Variants in STRN observed in about 807,000 individuals in gnomAD.
STRN encodes striatin.
In STRN, 53 loss-of-function variants were observed where a neutral mutation model predicts 96.3. That is an observed-to-expected ratio of 0.55 (90% confidence interval 0.44 to 0.69). The LOEUF (loss-of-function observed/expected upper bound fraction) is 0.69. Among genes scored for constraint, STRN ranks in the 30% least tolerant of loss-of-function variants. STRN has a pLI of 0.00. For missense variants in STRN, 987 were observed against 963.9 expected (o/e 1.02, Z -0.32); for synonymous variants, 428 against 355.9 (o/e 1.20, Z -2.28).
chr2:36,911,890 A>G (rs1172197304), intron 3 of STRN, among the ~76,000 whole-genome samples: 3 of 152,122 alleles, frequency 2.0e-5, no homozygotes, highest in African/African-American at 7.2e-5. Context: ...CGATCCTACT[A>G]TTCCCTAGAA....
At chr2:36,939,155 TCTC>T (rs1350754787) in intron 1 of STRN, among the ~76,000 whole-genome samples, 17 of 152,186 alleles carry the variant, frequency 1.1e-4, no homozygotes, top group Non-Finnish European at 2.1e-4. Context: ...GTCAGGTCGA[TCTC>T]CTGACCTCGT....
At chr2:36,926,563 T>G (rs1242459480) in intron 1 of STRN, among the ~76,000 whole-genome samples, 2 of 152,224 alleles carry the variant, frequency 1.3e-5, no homozygotes, top group Admixed American at 6.5e-5. Context: ...AACTTAATTC[T>G]CATTCAAGCT....
At chr2:36,911,817 T>C (rs950769681) in intron 3 of STRN, among the ~76,000 whole-genome samples, 4 of 152,226 alleles carry the variant, frequency 2.6e-5, no homozygotes, top group Non-Finnish European at 5.9e-5. Flanking sequence ...CTACCAAATG[T>C]GCAGCCTAGT....
chr2:36,957,664 AAAAC>A (rs1664921880), intron 1 of STRN, among the ~76,000 whole-genome samples: 2 of 151,506 alleles, frequency 1.3e-5, no homozygotes, highest in African/African-American at 2.4e-5. Flanking sequence ...TAAAAAACAA[AAAAC>A]AAACAAAAAA....
rs538407691 is a variant in STRN, at chr2:36,892,793, G to C, written c.931+1105C>G. Among the ~76,000 whole-genome samples the C allele has an allele frequency of 2.6e-5, 4 of 152,312 alleles. No homozygotes were observed. In the South Asian group the frequency reaches 6.2e-4, roughly 24 times the overall value. On this transcript the variant is annotated intron_variant, in intron 7 of 17. Transcript: ENST00000263918. ...CCCAGCACCTTGGAAGGCCGAGGCA[G>C]GCAGATCACCTGATGTTAGGAATTC...
intron 5 of STRN, among the ~76,000 whole-genome samples, chr2:36,900,818 G>A (rs1288950791): frequency 5.3e-5 from 8 of 151,836 alleles, no homozygotes; most frequent in African/African-American, 9.7e-5. Flanking sequence ...GCTTGAACCC[G>A]GGAGGCAGAG....
intron 6 of STRN, among the ~76,000 whole-genome samples, chr2:36,898,008 G>C (rs1443192494): frequency 2.6e-5 from 4 of 152,042 alleles, no homozygotes; most frequent in Non-Finnish European, 5.9e-5. Context: ...GCTATGATCT[G>C]CACTAATTAG....
In STRN at chr2:36,867,831, A is replaced by T; in HGVS notation, c.1530T>A (p.Tyr510Ter). ...ATACTTACTTATGGGCTCTGAATGT[A>T]TAGATAGGTTCTACATCAAGAGAAG... ...KSTSLDVEPI[Y>*]TFRAHKGPVL... is the part of the protein sequence containing the mutation. Residue 510 changes from tyrosine (Y) to a stop codon, truncating the protein, a stop_gained, in exon 12 of 18, where the codon TAT becomes TAA. Transcript: ENST00000263918. LOFTEE classifies it high-confidence loss of function. 6.3e-7 allele frequency: 1 copy of T among 1,591,182 alleles called. No individual in the cohort carries two copies. The highest frequency in any genetic ancestry group is 8.5e-7 in the Non-Finnish European group (1 of 1,170,186).
In STRN at chr2:36,843,460, T is replaced by C. The variant is rs571714364; in HGVS notation, c.*5996A>G. Among the ~76,000 whole-genome samples, 16 of 152,328 alleles carry C rather than the reference T, an allele frequency of 1.1e-4. No individual in the cohort carries two copies. The highest frequency in any genetic ancestry group is 3.6e-4 in the African/African-American group (15 of 41,584). On this transcript the variant is annotated 3_prime_UTR_variant, in exon 18 of 18. Coordinates refer to ENST00000263918, the MANE Select transcript of STRN (RefSeq NM_003162.4). ...ATGTGTATAAATTTTAAAAGCCATT[T>C]AAACTGAACATTTGAAAAACATAAA...
intron 7 of STRN, among the ~76,000 whole-genome samples, chr2:36,891,509 A>G (rs1669397359): frequency 6.8e-6 from 1 of 147,990 alleles, no homozygotes; most frequent in Non-Finnish European, 1.5e-5. Flanking sequence ...TGGGCAACAG[A>G]GTGAGACTCT....
intron 10 of STRN, among the ~76,000 whole-genome samples, chr2:36,875,955 T>C (rs1668897976): frequency 6.6e-6 from 1 of 151,650 alleles, no homozygotes; most frequent in South Asian, 2.1e-4. Flanking sequence ...CGCGCCTGGC[T>C]TACAAATGAT....
rs146090753 is a variant in STRN at position 36,850,272 on chromosome 2, T to C, written c.2087-472A>G. On this transcript the variant is annotated intron_variant, in intron 16 of 17. Coordinates refer to ENST00000263918, the MANE Select transcript of STRN (RefSeq NM_003162.4). ...GAAAAAAATTTTAAATATTAAATGA[T>C]TCATCACCAGCAGCTAAACAAAGTC... Among the ~76,000 whole-genome samples, 94 of 152,304 alleles carry C rather than the reference T, an allele frequency of 6.2e-4. No homozygotes were observed. The East Asian group carries it at 8.1e-3, about 13-fold the overall frequency.
intron 3 of STRN, among the ~76,000 whole-genome samples, chr2:36,912,247 AGT>A (rs919448702): frequency 2.0e-5 from 3 of 152,032 alleles, no homozygotes; most frequent in Non-Finnish European, 2.9e-5. Flanking sequence ...TGTGCGTGAG[AGT>A]GTGCGCGCGC....
chr2:36,839,832 T>C lies in STRN; in HGVS notation c.*9624A>G, dbSNP rs1309970444. 1.3e-5 allele frequency: 2 copies of C among 152,220 alleles called. No individual in the cohort carries two copies. Among genetic ancestry groups the C allele is most frequent in the Non-Finnish European group, 2.9e-5 (2 of 68,036 alleles). The allele number at this position is 152,220 out of a possible 1,614,324, so 9.4% of individuals were successfully genotyped here. On this transcript the variant is annotated 3_prime_UTR_variant, in exon 18 of 18. Coordinates refer to ENST00000263918, the MANE Select transcript of STRN (RefSeq NM_003162.4). ...TGATTCTTTTAATGATTTAAAGTCA[T>C]TTGAATATTAAATATAAATAGTTGG...
Position 36,964,731 on chromosome 2 carries a change from C to T in STRN, c.234+1499G>A, listed in dbSNP as rs146745802. Among the ~76,000 whole-genome samples the T allele has an allele frequency of 2.6e-5, 4 of 152,316 alleles. No homozygotes were observed. In the East Asian group the frequency reaches 5.8e-4, roughly 22 times the overall value. ...CTAAAATAGCTGCCCCTATCACACG[C>T]TATTCCTGAACTCTGACTTATTTCT... is the stretch of plus-strand genomic sequence containing the variant. On this transcript the variant is annotated intron_variant, in intron 1 of 17. Coordinates refer to ENST00000263918, the MANE Select transcript of STRN (RefSeq NM_003162.4).
rs533422055 is a variant in STRN at position 36,881,198 on chromosome 2, G to A, written c.1186+2734C>T. Among the ~76,000 whole-genome samples, 38 of 135,920 alleles carry A rather than the reference G, an allele frequency of 2.8e-4. No individual in the cohort carries two copies. In the South Asian group the frequency reaches 8.8e-3, roughly 31 times the overall value. The allele number at this position is 135,920 out of a possible 152,430, so 89.2% of individuals were successfully genotyped here. On this transcript the variant is annotated intron_variant, in intron 9 of 17. Transcript: ENST00000263918. ...ACTGAAGTGCAGTGGTGTGATGTCA[G>A]CTCACTGCAACCTCCGCCTCCTGGG...
At position 36,861,151 on chromosome 2, in the gene STRN, G is replaced by A. The variant is rs779056325; in HGVS notation, c.1650C>T (p.Ile550=). Reference sequence around the variant, plus strand: ...ACCTACCATAAGAATCATAGGGGTCGATGTTGGGATTAGTGGTATTCCAGC... The same window carrying A: ...ACCTACCATAAGAATCATAGGGGTCAATGTTGGGATTAGTGGTATTCCAGC... ...IQGWNTTNPN[I]DPYDSYDPSV... is the part of the protein sequence containing the mutation. Residue 550 remains isoleucine (I), a synonymous_variant, in exon 13 of 18, where the codon ATC becomes ATT. Transcript: ENST00000263918. The A allele has an allele frequency of 1.9e-5, 31 of 1,613,600 alleles. No individual in the cohort carries two copies. The highest frequency in any genetic ancestry group is 4.5e-5 in the East Asian group (2 of 44,858).
At chr2:36,945,129 AAG>A (rs1159372543) in intron 1 of STRN, among the ~76,000 whole-genome samples, 15 of 152,246 alleles carry the variant, frequency 9.9e-5, no homozygotes, top group Non-Finnish European at 2.1e-4. Context: ...TTTTTAAAAA[AAG>A]AGAAAAATGG....
chr2:36,910,211 T>TA (rs1280479034), intron 3 of STRN, among the ~76,000 whole-genome samples: 2 of 147,374 alleles, frequency 1.4e-5, no homozygotes, highest in Non-Finnish European at 3.0e-5. Flanking sequence ...CAGACATACA[T>TA]AAGCTGCAAA....
Sources: gnomAD v4.1 joint callset for allele counts (sites outside exome capture counted in the v4.1 genomes callset) on GRCh38, gnomAD v4.1.1 for gene constraint, MANE v1.5 for transcripts, NCBI Gene and HGNC (gene_info 2026-07-23, HGNC 2026-07-21) for gene names.